The following PALLD variants were observed in gnomAD, a reference collection of about 807,000 sequenced individuals.
The protein encoded by PALLD is palladin, cytoskeletal associated protein.
Under a neutral mutation model 123.5 loss-of-function variants are expected in PALLD, and 61 were observed. The observed-to-expected ratio is 0.49, with a 90% CI of 0.40 to 0.61. PALLD has a LOEUF of 0.61. PALLD is among the 20% of genes least tolerant of loss of function. PALLD has a pLI of 0.00. For missense variants in PALLD, 1,273 were observed against 1,377.0 expected, an observed-to-expected ratio of 0.92 and a Z score of 1.20; for synonymous variants, 465 against 496.4, an observed-to-expected ratio of 0.94 and a Z score of 0.84.
At chr4:168,839,393 C>T (rs1336651323) in intron 10 of PALLD, among the ~76,000 whole-genome samples, 3 of 152,144 alleles carry the variant, frequency 2.0e-5, no homozygotes, top group Admixed American at 6.5e-5. Flanking sequence ...TTGGCTGGCA[C>T]ACTGTTGTGG....
intron 10 of PALLD, among the ~76,000 whole-genome samples, chr4:168,798,975 G>T (rs939032490): frequency 2.6e-5 from 4 of 152,114 alleles, no homozygotes; most frequent in African/African-American, 9.7e-5. Flanking sequence ...ATCATGAATC[G>T]GGCAGCCCGC....
chr4:168,715,284 C>G (rs915141697), intron 10 of PALLD, among the ~76,000 whole-genome samples: 1 of 152,190 alleles, frequency 6.6e-6, no homozygotes, highest in East Asian at 1.9e-4. Flanking sequence ...CAAGTGTAAG[C>G]AGAAGATAGT....
chr4:168,508,993 A>C (rs73863633), intron 1 of PALLD, among the ~76,000 whole-genome samples: 4,293 of 152,288 alleles, frequency 0.028, 174 homozygotes, highest in African/African-American at 0.096. Context: ...TGCAATATAC[A>C]AAATGGTACT....
intron 10 of PALLD, among the ~76,000 whole-genome samples, chr4:168,755,430 A>G (rs183722381): frequency 1.7e-4 from 26 of 152,198 alleles, no homozygotes; most frequent in Admixed American, 2.0e-4. Context: ...GTGAGTGAAC[A>G]GAAGCTTGGC....
chr4:168,604,289 AC>A (rs1772953631), intron 2 of PALLD, among the ~76,000 whole-genome samples: 1 of 152,216 alleles, frequency 6.6e-6, no homozygotes. Flanking sequence ...CCAAGAGTAA[AC>A]CAGATATCCA....
intron 10 of PALLD, among the ~76,000 whole-genome samples, chr4:168,858,186 T>G (rs370724490): frequency 2.0e-5 from 3 of 152,214 alleles, no homozygotes; most frequent in East Asian, 3.8e-4. Flanking sequence ...TTATATTAGC[T>G]GAATTCCAGG....
At chr4:168,693,410 C>T (rs951013023) in intron 8 of PALLD, among the ~76,000 whole-genome samples, 6 of 152,172 alleles carry the variant, frequency 3.9e-5, no homozygotes, top group Admixed American at 6.5e-5. Context: ...CATGGAATCA[C>T]CTGACCTCTA....
At chr4:168,670,624 T>G (rs1219736823) in intron 3 of PALLD, among the ~76,000 whole-genome samples, 1 of 149,270 alleles carries the variant, frequency 6.7e-6, no homozygotes, top group African/African-American at 2.5e-5. Context: ...TCCCAGCTAC[T>G]CGGGAGGCTG....
intron 10 of PALLD, among the ~76,000 whole-genome samples, chr4:168,807,671 A>C (rs1740430850): frequency 6.7e-6 from 1 of 150,114 alleles, no homozygotes; most frequent in African/African-American, 2.5e-5. Context: ...GGCCTCCCAA[A>C]GTGCTGTGAT....
chr4:168,511,378 G>C (rs1272480983), intron 1 of PALLD, 45 bp from the exon 2 acceptor site: 2 of 695,072 alleles, frequency 2.9e-6, no homozygotes, highest in Non-Finnish European at 5.1e-6. Flanking sequence ...GATTAAAATG[G>C]GGAAAAAATC....
chr4:168,859,760 C>T (rs1242849068), intron 10 of PALLD, among the ~76,000 whole-genome samples: 1 of 152,110 alleles, frequency 6.6e-6, no homozygotes, highest in Non-Finnish European at 1.5e-5. Context: ...CCTCAAGGAG[C>T]ACTGTACAGT....
intron 2 of PALLD, among the ~76,000 whole-genome samples, chr4:168,652,991 TAAAAG>T (rs1480026340): frequency 6.6e-6 from 1 of 152,194 alleles, no homozygotes; most frequent in Non-Finnish European, 1.5e-5. Flanking sequence ...TCATGCTTGC[TAAAAG>T]AAAAGAAAAA....
intron 10 of PALLD, among the ~76,000 whole-genome samples, chr4:168,889,455 C>A (rs1581926485): frequency 6.6e-6 from 1 of 152,084 alleles, no homozygotes; most frequent in Admixed American, 6.6e-5. Context: ...TGAGCCACCA[C>A]ACCCGGCCTG....
At chr4:168,699,870 A>G (rs1783506933) in intron 8 of PALLD, 1 of 152,782 alleles carries the variant, frequency 6.5e-6, no homozygotes, top group Non-Finnish European at 1.5e-5. Context: ...ATTAAAATGC[A>G]TCATAATTAA....
intron 1 of PALLD, 38 bp downstream of exon 1, chr4:168,497,232 C>T (rs562926469): frequency 6.9e-6 from 1 of 145,942 alleles, no homozygotes; most frequent in African/African-American, 2.5e-5. Context: ...ACTAGTAGGG[C>T]AACATTTTAA....
At chr4:168,678,374 C>A (rs1442967854) in intron 3 of PALLD, among the ~76,000 whole-genome samples, 1 of 152,160 alleles carries the variant, frequency 6.6e-6, no homozygotes, top group Non-Finnish European at 1.5e-5. Flanking sequence ...CCCTTTCTAA[C>A]CCAGCGTCCA....
chr4:168,905,479 A>G (rs1473190421), intron 15 of PALLD, among the ~76,000 whole-genome samples: 2 of 151,978 alleles, frequency 1.3e-5, no homozygotes, highest in Admixed American at 6.5e-5. Context: ...ATAAATAAAT[A>G]AAGTTTATTC....
At position 168,768,820 on chromosome 4, in the gene PALLD, A is replaced by G. The variant is rs542719505; in HGVS notation, c.1964+56897A>G. 7.1e-4 allele frequency among the ~76,000 whole-genome samples: 108 copies of G among 152,030 alleles called. 1 individual carries two copies. In the South Asian group the frequency reaches 0.01, roughly 14 times the overall value. On this transcript the variant is annotated intron_variant, in intron 10 of 21. Transcript: ENST00000505667. ...CCTGAGTAGCTGGGGCTACAGGCAC[A>G]CACCACCATGCCCAGCTAATTTTTT... is the stretch of plus-strand genomic sequence containing the variant.
intron 18 of PALLD, among the ~76,000 whole-genome samples, chr4:168,922,185 T>C (rs1211931288): frequency 6.6e-6 from 1 of 151,232 alleles, no homozygotes; most frequent in East Asian, 1.9e-4. Context: ...CTCATAGTCA[T>C]TGTCAAACTA....
Sources: gnomAD v4.1 joint callset for allele counts (sites outside exome capture counted in the v4.1 genomes callset) on GRCh38, gnomAD v4.1.1 for gene constraint, MANE v1.5 for transcripts, NCBI Gene and HGNC (gene_info 2026-07-23, HGNC 2026-07-21) for gene names.